Variants in SLC30A8 observed in about 807,000 individuals in gnomAD.
SLC30A8 encodes the protein proton-coupled zinc antiporter SLC30A8.
Under a neutral mutation model 36.9 loss-of-function variants are expected in SLC30A8, and 27 were observed. The ratio of observed to expected loss-of-function variants is 0.73; its 90% confidence interval spans 0.54 to 1.01. The LOEUF (loss-of-function observed/expected upper bound fraction) is 1.01, where lower values mean the gene tolerates loss of function less well. SLC30A8 is among the 50% of genes least tolerant of loss of function. SLC30A8 has a pLI of 0.00. For missense variants in SLC30A8, 439 were observed against 452.0 expected (o/e 0.97, Z 0.26); for synonymous variants, 164 against 172.4 (o/e 0.95, Z 0.38).
At chr8:117,061,693 G>A (rs568069357) in intron 2 of SLC30A8, among the ~76,000 whole-genome samples, 30 of 152,326 alleles carry the variant, frequency 2.0e-4, no homozygotes, top group Non-Finnish European at 3.1e-4. Flanking sequence ...GCTGTGGGCT[G>A]CACTGGGGCA....
rs71530850 is a variant in SLC30A8 at position 116,996,804 on chromosome 8, C to T, written c.-265-42415C>T. On this transcript the variant is annotated intron_variant, in intron 1 of 10. Coordinates refer to the SLC30A8 transcript ENST00000427715. ...TGATGTTTTGCATGTATATATGGCT[C>T]CTACTCAGTGGTATTCAGGCATTTG... Among the ~76,000 whole-genome samples the T allele has an allele frequency of 3.4e-3, 510 of 152,176 alleles. 1 individual carries two copies. The highest frequency in any genetic ancestry group is 5.2e-3 in the Admixed American group (80 of 15,274).
chr8:116,976,747 C>T (rs1815027884), intron 1 of SLC30A8, among the ~76,000 whole-genome samples: 1 of 151,552 alleles, frequency 6.6e-6, no homozygotes, highest in African/African-American at 2.4e-5. Flanking sequence ...GACTACTTAG[C>T]AGGATGTCAT....
At chr8:116,980,882 G>A (rs1429331962) in intron 1 of SLC30A8, among the ~76,000 whole-genome samples, 2 of 152,164 alleles carry the variant, frequency 1.3e-5, no homozygotes, top group African/African-American at 4.8e-5. Flanking sequence ...ATTTCTGATG[G>A]TGCCATAGGA....
chr8:117,037,899 A>C (rs1175417985), intron 1 of SLC30A8, among the ~76,000 whole-genome samples: 4 of 152,228 alleles, frequency 2.6e-5, no homozygotes, highest in Non-Finnish European at 4.4e-5. Context: ...AAAATGATCA[A>C]GTGGATTAAA....
Position 117,098,245 on chromosome 8 carries a change from C to T in SLC30A8, c.-225-37035C>T, listed in dbSNP as rs969112586. On this transcript the variant is annotated intron_variant, in intron 2 of 10. Coordinates refer to the SLC30A8 transcript ENST00000427715. Reference sequence around the variant, plus strand: ...CATCTCATTTTTCTATGAATACATGCTTGGTAGGATGAGGGTTTCTCTGGT... The same window carrying T: ...CATCTCATTTTTCTATGAATACATGTTTGGTAGGATGAGGGTTTCTCTGGT... Among the ~76,000 whole-genome samples the T allele has an allele frequency of 2.0e-5, 3 of 151,342 alleles. No homozygotes were observed. In the Admixed American group the frequency reaches 2.0e-4, roughly 10 times the overall value.
At chr8:117,017,175 T>A (rs748487842) in intron 1 of SLC30A8, among the ~76,000 whole-genome samples, 3 of 152,186 alleles carry the variant, frequency 2.0e-5, no homozygotes, top group Non-Finnish European at 4.4e-5. Context: ...GCACTAGAAC[T>A]GTACCAGGCA....
intron 1 of SLC30A8, among the ~76,000 whole-genome samples, chr8:116,968,739 T>A (rs1329522705): frequency 9.9e-5 from 15 of 151,984 alleles, no homozygotes; most frequent in East Asian, 1.9e-4. Flanking sequence ...TTCTTTTTTT[T>A]AATTTATTTA....
At chr8:116,985,961 T>G (rs1234623779) in intron 1 of SLC30A8, among the ~76,000 whole-genome samples, 2 of 152,162 alleles carry the variant, frequency 1.3e-5, no homozygotes, top group Non-Finnish European at 2.9e-5. Flanking sequence ...AAAAGATGCT[T>G]CTGAAACCAA....
At chr8:117,003,909 T>A (rs994045053) in intron 1 of SLC30A8, among the ~76,000 whole-genome samples, 7 of 152,200 alleles carry the variant, frequency 4.6e-5, no homozygotes, top group Admixed American at 3.9e-4. Flanking sequence ...TCCTCCTTAA[T>A]TTTTGGTCCT....
chr8:116,951,264 T>A (rs1445793037), intron 1 of SLC30A8: 1 of 152,220 alleles, frequency 6.6e-6, no homozygotes, highest in Non-Finnish European at 1.5e-5. Flanking sequence ...ACAATGTTGT[T>A]ACCAACTCAT....
chr8:117,142,696 G>T (rs1821708641), intron 1 of SLC30A8, among the ~76,000 whole-genome samples: 1 of 152,040 alleles, frequency 6.6e-6, no homozygotes, highest in Admixed American at 6.6e-5. Flanking sequence ...TCTATAACTT[G>T]CTGCTGAGAT....
rs1823693481 is a variant in SLC30A8, at chr8:117,176,455, T to G, written c.*3774T>G. On this transcript the variant is annotated 3_prime_UTR_variant, in exon 8 of 8. Transcript: ENST00000456015. ...TTAAATGACTAATTACAGAAATCAT[T>G]AAAGGCACCAAGCAAATGTCATCTC... is the stretch of plus-strand genomic sequence containing the variant. 2.0e-5 allele frequency: 3 copies of G among 152,404 alleles called. No individual in the cohort carries two copies. The highest frequency in any genetic ancestry group is 4.1e-4 in the South Asian group (2 of 4,826). 9.4% of individuals were successfully genotyped at this position (152,404 alleles called of 1,614,324 possible). A position where few individuals can be genotyped will look rare whatever the true frequency, so the allele number is the denominator to read the frequency against.
At chr8:116,955,731 A>T (rs1034314105) in intron 1 of SLC30A8, among the ~76,000 whole-genome samples, 22 of 152,042 alleles carry the variant, frequency 1.4e-4, no homozygotes, top group Admixed American at 1.1e-3. Context: ...TCAAAAAAAA[A>T]AAAATAAAAA....
chr8:117,090,061 CTCCCAGGT>C (rs757435547), intron 2 of SLC30A8, among the ~76,000 whole-genome samples: 1 of 152,100 alleles, frequency 6.6e-6, no homozygotes, highest in Non-Finnish European at 1.5e-5. Flanking sequence ...CAACCTCTGC[CTCCCAGGT>C]TCAAGCGATT....
chr8:117,052,993 G>A (rs543549614), intron 2 of SLC30A8, among the ~76,000 whole-genome samples: 65 of 150,538 alleles, frequency 4.3e-4, no homozygotes, highest in African/African-American at 1.5e-3. Context: ...TGCAACCTCC[G>A]CCTCCCAGGT....
chr8:117,068,935 C>G (rs1254241995), intron 2 of SLC30A8, among the ~76,000 whole-genome samples: 2 of 149,770 alleles, frequency 1.3e-5, no homozygotes, highest in Non-Finnish European at 2.9e-5. Flanking sequence ...GGTTCCACCT[C>G]TCTCTCACCT....
intron 1 of SLC30A8, among the ~76,000 whole-genome samples, chr8:117,009,955 G>T (rs1411473453): frequency 6.6e-6 from 1 of 152,192 alleles, no homozygotes; most frequent in African/African-American, 2.4e-5. Context: ...CAACGCACTT[G>T]ACTTGAAGAG....
intron 1 of SLC30A8, among the ~76,000 whole-genome samples, chr8:117,146,174 A>G (rs968396012): frequency 6.6e-6 from 1 of 152,210 alleles, no homozygotes; most frequent in African/African-American, 2.4e-5. Context: ...GGACATCTCA[A>G]GTTTACTGAT....
intron 1 of SLC30A8, among the ~76,000 whole-genome samples, chr8:116,999,075 A>G (rs1172656248): frequency 1.3e-5 from 2 of 152,340 alleles, no homozygotes; most frequent in East Asian, 1.9e-4. Context: ...CCTGGCCAAC[A>G]TGGTGAAACC....
Sources: gnomAD v4.1 joint callset for allele counts (sites outside exome capture counted in the v4.1 genomes callset) on GRCh38, gnomAD v4.1.1 for gene constraint, MANE v1.5 for transcripts, NCBI Gene and HGNC (gene_info 2026-07-23, HGNC 2026-07-21) for gene names.